PINX1: variants seen among roughly 807,000 people sequenced by gnomAD.
PINX1 encodes the protein PIN2/TERF1-interacting telomerase inhibitor 1.
PINX1 carries 34 observed loss-of-function variants against 25.4 expected under a neutral mutation model. That is an observed-to-expected ratio of 1.34 (90% CI 1.02 to 1.78). PINX1 has a LOEUF of 1.78. Among genes scored for constraint, PINX1 ranks in the 40% most tolerant of loss-of-function variants. The pLI is 0.00. For missense variants in PINX1, 592 were observed against 404.9 expected (o/e 1.46, Z -3.97); for synonymous variants, 197 against 147.7 (o/e 1.33, Z -2.42).
At chr8:10,832,871 G>C (rs890715548) in intron 3 of PINX1, 21 bp downstream of exon 3, 1 of 1,457,258 alleles carries the variant, frequency 6.9e-7, no homozygotes, top group Non-Finnish European at 9.6e-7. Flanking sequence ...AGACACCCAG[G>C]AGGCACACAC....
In PINX1 at chr8:10,839,807, C is replaced by A; in HGVS notation, c.-51G>T. ...CTCTGGACCTGGGTGACTGCGGCCA[C>A]TGGGCGGGCTGGAGACTCCAGGAGA... On this transcript the variant is annotated 5_prime_UTR_variant, in exon 1 of 7. Coordinates refer to ENST00000314787, the MANE Select transcript of PINX1 (RefSeq NM_017884.6). 1.3e-6 allele frequency: 2 copies of A among 1,568,048 alleles called. No homozygotes were observed. The highest frequency in any genetic ancestry group is 1.8e-5 in the Admixed American group (1 of 55,426).
At chr8:10,774,160 G>A (rs929156634) in intron 6 of PINX1, among the ~76,000 whole-genome samples, 2 of 152,170 alleles carry the variant, frequency 1.3e-5, no homozygotes, top group African/African-American at 2.4e-5. Context: ...TATTCCACAG[G>A]AAGAGGTGAA....
chr8:10,793,435 A>C (rs1010105778), intron 6 of PINX1, among the ~76,000 whole-genome samples: 1 of 152,170 alleles, frequency 6.6e-6, no homozygotes, highest in African/African-American at 2.4e-5. Context: ...ACTAACACTA[A>C]TGACAGCTGA....
intron 1 of PINX1, among the ~76,000 whole-genome samples, chr8:10,835,281 C>A (rs1170017060): frequency 6.6e-6 from 1 of 152,206 alleles, no homozygotes; most frequent in African/African-American, 2.4e-5. Flanking sequence ...TTTCACAGTA[C>A]CCCAACGAGT....
intron 6 of PINX1, among the ~76,000 whole-genome samples, chr8:10,815,179 C>A (rs1490069215): frequency 6.6e-6 from 1 of 152,154 alleles, no homozygotes; most frequent in African/African-American, 2.4e-5. Flanking sequence ...TGAGCTCAGG[C>A]AATCCTCCCG....
Position 10,765,208 on chromosome 8 carries a change from C to A in PINX1, c.*193G>T. On this transcript the variant is annotated 3_prime_UTR_variant, in exon 7 of 7. Transcript: ENST00000314787. ...TGTGTCTGAGAGCCACGATTGAGAA[C>A]ATTAAAAAGGTCCTCCTGGGAATGT... The A allele has an allele frequency of 1.8e-6, 1 of 559,964 alleles. No individual in the cohort carries two copies. Among genetic ancestry groups the A allele is most frequent in the Non-Finnish European group, 3.1e-6 (1 of 322,480 alleles). The allele number at this position is 559,964 out of a possible 1,614,324, so 34.7% of individuals were successfully genotyped here.
chr8:10,773,849 C>T (rs1257653006), intron 6 of PINX1, among the ~76,000 whole-genome samples: 1 of 152,180 alleles, frequency 6.6e-6, no homozygotes, highest in Non-Finnish European at 1.5e-5. Context: ...GGCTTCCTGC[C>T]TCCCTGAAAG....
intron 1 of PINX1, among the ~76,000 whole-genome samples, chr8:10,838,401 C>T (rs992885351): frequency 6.6e-6 from 1 of 152,244 alleles, no homozygotes; most frequent in Admixed American, 6.5e-5. Flanking sequence ...ATCTGAATTA[C>T]TGATGCCTAC....
At chr8:10,798,697 G>C (rs1047272214) in intron 6 of PINX1, among the ~76,000 whole-genome samples, 1 of 152,168 alleles carries the variant, frequency 6.6e-6, no homozygotes, top group African/African-American at 2.4e-5. Context: ...TCAAAAGGTA[G>C]AGACACCTTT....
chr8:10,817,865 C>T (rs574285749), intron 6 of PINX1, among the ~76,000 whole-genome samples: 60 of 152,298 alleles, frequency 3.9e-4, no homozygotes, highest in African/African-American at 1.3e-3. Flanking sequence ...CAGGCTATCC[C>T]CGTGTTCTCA....
At chr8:10,815,218 A>G (rs937320534) in intron 6 of PINX1, among the ~76,000 whole-genome samples, 6 of 152,228 alleles carry the variant, frequency 3.9e-5, no homozygotes, top group Non-Finnish European at 7.3e-5. Context: ...TTGGGATTAT[A>G]GGCACGAGCC....
intron 5 of PINX1, among the ~76,000 whole-genome samples, chr8:10,825,863 CCCGTTTT>C (rs1392044728): frequency 6.6e-6 from 1 of 152,198 alleles, no homozygotes; most frequent in African/African-American, 2.4e-5. Context: ...TACATAAAGT[CCCGTTTT>C]CCTCTAAATA....
chr8:10,832,632 G>A (rs977313105), intron 3 of PINX1, among the ~76,000 whole-genome samples: 4 of 152,112 alleles, frequency 2.6e-5, no homozygotes, highest in African/African-American at 9.7e-5. Context: ...GATTATGTTG[G>A]CTGCAAAAAC....
chr8:10,803,174 T>C (rs577260758), intron 6 of PINX1, among the ~76,000 whole-genome samples: 13 of 152,356 alleles, frequency 8.5e-5, no homozygotes, highest in African/African-American at 2.9e-4. Context: ...GTTTGCCACA[T>C]TGTTACATCA....
intron 6 of PINX1, among the ~76,000 whole-genome samples, chr8:10,766,862 A>G (rs1169420719): frequency 6.6e-6 from 1 of 152,220 alleles, no homozygotes; most frequent in Admixed American, 6.5e-5. Context: ...ATAAAGAATG[A>G]AATGCTGGAA....
At chr8:10,811,764 A>C (rs1322333418) in intron 6 of PINX1, among the ~76,000 whole-genome samples, 3 of 152,142 alleles carry the variant, frequency 2.0e-5, no homozygotes, top group Non-Finnish European at 4.4e-5. Flanking sequence ...GGCTCGGGGC[A>C]GCTGGACTAT....
chr8:10,828,884 C>A (rs1015403818), intron 4 of PINX1, among the ~76,000 whole-genome samples: 3 of 152,206 alleles, frequency 2.0e-5, no homozygotes, highest in Non-Finnish European at 4.4e-5. Context: ...GCCCGGCCCT[C>A]ACACCCCTAC....
chr8:10,785,530 G>C (rs910303674), intron 6 of PINX1, among the ~76,000 whole-genome samples: 6 of 152,180 alleles, frequency 3.9e-5, no homozygotes, highest in African/African-American at 1.4e-4. Context: ...CAATAGGATA[G>C]CACTCACTTA....
intron 6 of PINX1, among the ~76,000 whole-genome samples, chr8:10,801,044 G>A (rs1400879238): frequency 6.6e-6 from 1 of 152,184 alleles, no homozygotes; most frequent in Non-Finnish European, 1.5e-5. Flanking sequence ...TAATGGAGTA[G>A]AAGCTCTATA....
Sources: allele counts gnomAD v4.1 joint callset (sites outside exome capture counted in the v4.1 genomes callset), GRCh38; gene constraint gnomAD v4.1.1; transcripts MANE v1.5; gene names NCBI Gene and HGNC (gene_info 2026-07-23, HGNC 2026-07-21).